Variants in PSMG2 observed in about 807,000 individuals in gnomAD.
PSMG2 encodes proteasome assembly chaperone 2, also known as CD40 ligand-activated specific transcript 3.
In PSMG2, 21 loss-of-function variants were observed where a neutral mutation model predicts 31.5. The observed-to-expected ratio is 0.67, with a 90% CI of 0.47 to 0.96. PSMG2 has a LOEUF of 0.96. PSMG2 is among the 40% of genes least tolerant of loss of function. The probability of loss-of-function intolerance (pLI) is 0.00; values close to 1 mark genes in which losing one functional copy is unlikely to be tolerated. For missense variants in PSMG2, 318 were observed against 321.2 expected (o/e 0.99, Z 0.08); for synonymous variants, 120 against 110.4 (o/e 1.09, Z -0.54).
Position 12,703,147 on chromosome 18 carries a change from G to A in PSMG2, c.40G>A (p.Gly14Ser), listed in dbSNP as rs3809917. 2.0e-3 allele frequency: 3,160 copies of A among 1,611,748 alleles called. 91 individuals carry two copies. In the East Asian group the frequency reaches 0.055, roughly 28 times the overall value. Residue 14 changes from glycine to serine, a missense_variant, in exon 1 of 7, where the codon GGC becomes AGC. Transcript: ENST00000317615. ...CGGGGAGTCGGCCCCCGACCTTGCC[G>A]GCTTCACCCTCCTAATGGTGAGTCT... ...PCGESAPDLA[G>S]FTLLMPAVSV...
chr18:12,690,595 A>G (rs1272924454), intron 1 of PSMG2, among the ~76,000 whole-genome samples: 2 of 151,982 alleles, frequency 1.3e-5, no homozygotes, highest in African/African-American at 4.8e-5. Flanking sequence ...AGCTGCGACT[A>G]TAGGAGCCCG....
At chr18:12,708,628 T>C (rs902237107) in intron 2 of PSMG2, among the ~76,000 whole-genome samples, 9 of 151,654 alleles carry the variant, frequency 5.9e-5, no homozygotes, top group African/African-American at 1.9e-4. Context: ...CCTCCTAAAG[T>C]GCTGGGATTA....
At chr18:12,705,228 C>G (rs1454616368) in intron 1 of PSMG2, among the ~76,000 whole-genome samples, 1 of 152,094 alleles carries the variant, frequency 6.6e-6, no homozygotes, top group Non-Finnish European at 1.5e-5. Context: ...CCACGCCCAG[C>G]TAATTTTGTA....
chr18:12,714,807 G>A (rs2040363025), intron 3 of PSMG2, among the ~76,000 whole-genome samples: 1 of 152,086 alleles, frequency 6.6e-6, no homozygotes, highest in African/African-American at 2.4e-5. Context: ...CTGGGTTCAA[G>A]TGATTCTCCT....
At chr18:12,680,236 C>A (rs2039295867) in intron 1 of PSMG2, among the ~76,000 whole-genome samples, 1 of 152,092 alleles carries the variant, frequency 6.6e-6, no homozygotes, top group African/African-American at 2.4e-5. Flanking sequence ...AAGGCTCTAA[C>A]TAAAATCATC....
At chr18:12,696,672 G>A (rs1037467504) in intron 1 of PSMG2, among the ~76,000 whole-genome samples, 3 of 152,142 alleles carry the variant, frequency 2.0e-5, no homozygotes, top group Admixed American at 6.5e-5. Context: ...GTTACATAGC[G>A]GGCAGTGTGC....
At chr18:12,663,952 G>A (rs2038751497) in intron 1 of PSMG2, among the ~76,000 whole-genome samples, 1 of 152,072 alleles carries the variant, frequency 6.6e-6, no homozygotes. Context: ...ATCACCTGAG[G>A]TTGGGAGTTC....
intron 1 of PSMG2, among the ~76,000 whole-genome samples, chr18:12,687,867 A>C (rs997141529): frequency 6.6e-6 from 1 of 152,138 alleles, no homozygotes; most frequent in Non-Finnish European, 1.5e-5. Context: ...GTGTGGTATA[A>C]GAATACTAAG....
intron 1 of PSMG2, among the ~76,000 whole-genome samples, chr18:12,666,712 G>A (rs924445210): frequency 6.6e-6 from 1 of 151,420 alleles, no homozygotes; most frequent in African/African-American, 2.4e-5. Flanking sequence ...GCCTCCTAAA[G>A]GGGTGGAATT....
intron 3 of PSMG2, among the ~76,000 whole-genome samples, chr18:12,717,123 T>C (rs2040384591): frequency 1.3e-5 from 2 of 151,506 alleles, no homozygotes; most frequent in Non-Finnish European, 2.9e-5. Context: ...TAATTTTTTT[T>C]TTTTTTGTAG....
At chr18:12,688,228 C>CAAAAAAA (rs11337170) in intron 1 of PSMG2, among the ~76,000 whole-genome samples, 6 of 94,048 alleles carry the variant, frequency 6.4e-5, no homozygotes, top group African/African-American at 1.2e-4. Flanking sequence ...GACTCCATCT[C>CAAAAAAA]AAAAAAAAAA....
intron 1 of PSMG2, among the ~76,000 whole-genome samples, chr18:12,660,929 A>G (rs893393538): frequency 1.3e-5 from 2 of 152,270 alleles, no homozygotes; most frequent in African/African-American, 4.8e-5. Flanking sequence ...TTCTAAGTGT[A>G]GTTATACAAC....
intron 4 of PSMG2, among the ~76,000 whole-genome samples, chr18:12,719,715 C>CT (rs535226724): frequency 0.013 from 1,384 of 110,690 alleles, 17 homozygotes; most frequent in African/African-American, 0.037. Flanking sequence ...TTTTTTTCCT[C>CT]TTTTTTTTTT....
At chr18:12,702,390 C>T, upstream of PSMG2, 1 of 926,636 alleles carries the variant, frequency 1.1e-6, no homozygotes, top group Non-Finnish European at 1.7e-6. Flanking sequence ...GCTACAGTCC[C>T]GGCAAGCAGA....
chr18:12,716,265 G>A (rs977676604), intron 3 of PSMG2, among the ~76,000 whole-genome samples: 1 of 151,888 alleles, frequency 6.6e-6, no homozygotes, highest in African/African-American at 2.4e-5. Context: ...CCAAAGTTTT[G>A]CAGTTAGAGT....
At chr18:12,723,721 C>T (rs761653962) in intron 5 of PSMG2, among the ~76,000 whole-genome samples, 45 of 152,194 alleles carry the variant, frequency 3.0e-4, no homozygotes, top group Non-Finnish European at 6.2e-4. Context: ...CCTGTTACCT[C>T]ATAAAAGTAG....
chr18:12,715,663 G>C (rs558942240), intron 3 of PSMG2, among the ~76,000 whole-genome samples: 1 of 151,700 alleles, frequency 6.6e-6, no homozygotes, highest in South Asian at 2.1e-4. Flanking sequence ...CCGCCACCAC[G>C]CCTGGCTACT....
At chr18:12,668,734 CTTTTTTTTTTTTTT>C (rs543253434) in intron 1 of PSMG2, among the ~76,000 whole-genome samples, 1 of 96,644 alleles carries the variant, frequency 1.0e-5, no homozygotes. Context: ...CACTTTATTC[CTTTTTTTTTTTTTT>C]TTTTTTTTGA....
At chr18:12,706,759 G>C in intron 2 of PSMG2, 38 bp downstream of exon 2, 1 of 1,542,040 alleles carries the variant, frequency 6.5e-7, no homozygotes, top group Non-Finnish European at 8.8e-7. Context: ...CCACTACAAA[G>C]TAGAGTTGTT....
Sources: allele counts gnomAD v4.1 joint callset (sites outside exome capture counted in the v4.1 genomes callset), GRCh38; gene constraint gnomAD v4.1.1; transcripts MANE v1.5; gene names NCBI Gene and HGNC (gene_info 2026-07-23, HGNC 2026-07-21).